Variants in ZFPM2 observed in about 807,000 individuals in gnomAD.
ZFPM2 encodes zinc finger protein, FOG family member 2, also known as zinc finger protein ZFPM2.
A neutral mutation model predicts 98.6 loss-of-function variants in ZFPM2; 20 were observed. The ratio of observed to expected loss-of-function variants is 0.20; its 90% CI spans 0.14 to 0.29. ZFPM2 has a LOEUF of 0.29. ZFPM2 is among the 10% of genes least tolerant of loss of function. ZFPM2 has a pLI of 1.00. For synonymous variants in ZFPM2, 518 were observed against 502.7 expected, an observed-to-expected ratio of 1.03 and a Z score of -0.41; for missense variants, 1,310 against 1,388.6, an observed-to-expected ratio of 0.94 and a Z score of 0.90.
At chr8:105,708,774 A>G (rs1422336878) in intron 5 of ZFPM2, among the ~76,000 whole-genome samples, 1 of 152,094 alleles carries the variant, frequency 6.6e-6, no homozygotes, top group Non-Finnish European at 1.5e-5. Flanking sequence ...TTTTATATCC[A>G]TTTTACAGAT....
chr8:105,514,484 A>G (rs1813880932), intron 3 of ZFPM2, among the ~76,000 whole-genome samples: 1 of 152,086 alleles, frequency 6.6e-6, no homozygotes, highest in Admixed American at 6.5e-5. Flanking sequence ...AGATGTCTAG[A>G]GTATATTGCG....
At chr8:105,754,983 T>C (rs1239579492) in intron 5 of ZFPM2, among the ~76,000 whole-genome samples, 22 of 147,920 alleles carry the variant, frequency 1.5e-4, no homozygotes, top group South Asian at 6.4e-4. Context: ...TGTGTGTGTG[T>C]GCACGTGCGC....
chr8:105,474,462 A>G (rs1359855941), intron 3 of ZFPM2, among the ~76,000 whole-genome samples: 1 of 152,226 alleles, frequency 6.6e-6, no homozygotes, highest in Non-Finnish European at 1.5e-5. Flanking sequence ...TTTTTAACTA[A>G]GTTGCTAGTG....
intron 2 of ZFPM2, among the ~76,000 whole-genome samples, chr8:105,420,261 A>C (rs1372768546): frequency 6.6e-6 from 1 of 152,158 alleles, no homozygotes; most frequent in Non-Finnish European, 1.5e-5. Context: ...ATCAGACTTC[A>C]TAGTCTCAAA....
intron 2 of ZFPM2, among the ~76,000 whole-genome samples, chr8:105,429,700 C>T (rs1407749403): frequency 3.7e-5 from 4 of 107,454 alleles, no homozygotes; most frequent in African/African-American, 1.3e-4. Context: ...CAAAGTGATA[C>T]CAAAAAAAAA....
chr8:105,493,399 A>C (rs1180519242), intron 3 of ZFPM2, among the ~76,000 whole-genome samples: 3 of 152,316 alleles, frequency 2.0e-5, no homozygotes, highest in African/African-American at 7.2e-5. Flanking sequence ...TTCCAGACTA[A>C]ACCCTTGAAG....
intron 3 of ZFPM2, among the ~76,000 whole-genome samples, chr8:105,466,214 G>A (rs1463456142): frequency 6.6e-6 from 1 of 151,922 alleles, no homozygotes; most frequent in African/African-American, 2.4e-5. Context: ...GGATGTGTTA[G>A]CTGTTAACAT....
At chr8:105,431,674 G>A (rs1325167269) in intron 2 of ZFPM2, among the ~76,000 whole-genome samples, 1 of 152,168 alleles carries the variant, frequency 6.6e-6, no homozygotes, top group Non-Finnish European at 1.5e-5. Flanking sequence ...GGCACTTTGG[G>A]AGGCCAAGGT....
At chr8:105,393,472 C>T (rs1811159811) in intron 1 of ZFPM2, among the ~76,000 whole-genome samples, 1 of 151,868 alleles carries the variant, frequency 6.6e-6, no homozygotes, top group Non-Finnish European at 1.5e-5. Context: ...AGGGTGTTCT[C>T]TTTAAAGGAA....
At chr8:105,668,139 C>A (rs1052565302) in intron 5 of ZFPM2, among the ~76,000 whole-genome samples, 9 of 152,210 alleles carry the variant, frequency 5.9e-5, no homozygotes, top group Admixed American at 5.2e-4. Flanking sequence ...AGGCCATTGG[C>A]TCTTCTCAGC....
chr8:105,382,040 A>G (rs949936110), intron 1 of ZFPM2, among the ~76,000 whole-genome samples: 1 of 152,152 alleles, frequency 6.6e-6, no homozygotes, highest in African/African-American at 2.4e-5. Context: ...TTCAAGATTC[A>G]AAATTTATTT....
At chr8:105,330,122 G>A (rs1306883083) in intron 1 of ZFPM2, among the ~76,000 whole-genome samples, 1 of 151,542 alleles carries the variant, frequency 6.6e-6, no homozygotes, top group Non-Finnish European at 1.5e-5. Flanking sequence ...GGTTTCCAGT[G>A]TTAGCCATAA....
At chr8:105,572,528 C>A (rs542257814) in intron 4 of ZFPM2, among the ~76,000 whole-genome samples, 1 of 151,588 alleles carries the variant, frequency 6.6e-6, no homozygotes, top group Non-Finnish European at 1.5e-5. Flanking sequence ...AGTGCAGTGG[C>A]GTGATCTCAG....
At chr8:105,373,168 G>C (rs1297836933) in intron 1 of ZFPM2, among the ~76,000 whole-genome samples, 1 of 152,262 alleles carries the variant, frequency 6.6e-6, no homozygotes, top group East Asian at 1.9e-4. Flanking sequence ...CGTGATTGGC[G>C]TTTTTCTTAT....
chr8:105,494,183 GTATATATATATATA>G (rs61035457), intron 3 of ZFPM2, among the ~76,000 whole-genome samples: 2,553 of 60,000 alleles, frequency 0.043, 158 homozygotes, highest in African/African-American at 0.11. Flanking sequence ...GCCACCAAAA[GTATATATATATATA>G]TATATATATA....
At chr8:105,523,925 A>G (rs1163163689) in intron 3 of ZFPM2, among the ~76,000 whole-genome samples, 2 of 152,172 alleles carry the variant, frequency 1.3e-5, no homozygotes, top group Admixed American at 1.3e-4. Flanking sequence ...TGTATAGATT[A>G]TATGTAGCTG....
rs28374544 is a variant in ZFPM2 at position 105,802,051 on chromosome 8, A to G, written c.1969A>G (p.Ser657Gly). ...TCAAACTAAGAAGCTCTCCACCTCC[A>G]GTAACAATGATGACAAAATTAATGG... is the stretch of plus-strand genomic sequence containing the variant. ...STQTKKLSTS[S>G]NNDDKINGKP... Residue 657 changes from serine to glycine, a missense_variant, in exon 8 of 8, where the codon AGT becomes GGT. Coordinates refer to ENST00000407775, the MANE Select transcript of ZFPM2 (RefSeq NM_012082.4). 12,640 of 1,613,788 alleles carry G rather than the reference A, an allele frequency of 7.8e-3. 824 individuals are homozygous for G. In the African/African-American group the frequency reaches 0.14, roughly 18 times the overall value.
At chr8:105,752,984 C>T (rs1563549392) in intron 5 of ZFPM2, among the ~76,000 whole-genome samples, 1 of 152,052 alleles carries the variant, frequency 6.6e-6, no homozygotes. Context: ...CTGCATAAAA[C>T]AAGCACATCA....
intron 2 of ZFPM2, among the ~76,000 whole-genome samples, chr8:105,431,800 G>T (rs565155691): frequency 6.6e-6 from 1 of 152,044 alleles, no homozygotes; most frequent in East Asian, 1.9e-4. Flanking sequence ...CATACCTGTG[G>T]CCCCAGCTAC....
Sources: allele counts gnomAD v4.1 joint callset (sites outside exome capture counted in the v4.1 genomes callset), GRCh38; gene constraint gnomAD v4.1.1; transcripts MANE v1.5; gene names NCBI Gene and HGNC (gene_info 2026-07-23, HGNC 2026-07-21).